Variants in PRRC2C observed in about 807,000 individuals in gnomAD.
The protein encoded by PRRC2C is protein PRRC2C.
In PRRC2C, 72 loss-of-function variants were observed where a neutral mutation model predicts 317.2. That is an observed-to-expected ratio of 0.23 (90% CI 0.19 to 0.28). PRRC2C has a LOEUF of 0.28. Ranked by LOEUF, PRRC2C falls within the 10% of genes least tolerant of loss-of-function variation. PRRC2C has a pLI of 1.00. For missense variants in PRRC2C, 3,074 were observed against 3,459.7 expected (o/e 0.89, Z 2.80); for synonymous variants, 1,296 against 1,205.9 (o/e 1.07, Z -1.55).
At chr1:171,520,787 A>C (rs1673395132) in intron 6 of PRRC2C, among the ~76,000 whole-genome samples, 1 of 138,392 alleles carries the variant, frequency 7.2e-6, no homozygotes, top group Non-Finnish European at 1.5e-5. Context: ...CTTAAGAGAA[A>C]TTTCTTCTCC....
intron 2 of PRRC2C, 175 bp from the exon 3 acceptor site, chr1:171,512,820 C>G: frequency 1.8e-6 from 1 of 550,082 alleles, no homozygotes; most frequent in Non-Finnish European, 2.9e-6. Context: ...GGCTTGATTT[C>G]TACACTGAAA....
chr1:171,490,427 C>G (rs1346104306), intron 1 of PRRC2C, among the ~76,000 whole-genome samples: 2 of 152,004 alleles, frequency 1.3e-5, no homozygotes, highest in Non-Finnish European at 2.9e-5. Flanking sequence ...GGTCGAAAGC[C>G]TAGAATGGAA....
chr1:171,556,972 G>T (rs958598595), intron 18 of PRRC2C, among the ~76,000 whole-genome samples: 2 of 152,158 alleles, frequency 1.3e-5, no homozygotes, highest in African/African-American at 4.8e-5. Context: ...TGCTGCCAGT[G>T]AATTTACTGC....
In PRRC2C at chr1:171,514,545, A is replaced by G; in HGVS notation, c.300A>G (p.Glu100=). The part of the protein sequence containing the change: ...QEQHEEEKTP[E]VPPAQPKPGV... Reference sequence around the variant, plus strand: ...CATATTTTTTTTTAAGAACACCAGAAGTGCCACCAGCACAGCCAAAACCTG... The same window carrying G: ...CATATTTTTTTTTAAGAACACCAGAGGTGCCACCAGCACAGCCAAAACCTG... The change falls in exon 4 of 35, where the codon GAA becomes GAG. Residue 100 remains glutamate (E), a synonymous_variant. Transcript: ENST00000647382. 1 of 1,555,640 alleles carries G rather than the reference A, an allele frequency of 6.4e-7. No homozygotes were observed. Among genetic ancestry groups the G allele is most frequent in the Non-Finnish European group, 8.7e-7 (1 of 1,149,440 alleles).
intron 1 of PRRC2C, among the ~76,000 whole-genome samples, chr1:171,494,314 T>G (rs932786512): frequency 1.3e-5 from 2 of 152,202 alleles, no homozygotes; most frequent in African/African-American, 4.8e-5. Flanking sequence ...GCCCTTCCAC[T>G]ATCCTGATTA....
chr1:171,544,681 A>G (rs1678709663), intron 16 of PRRC2C, among the ~76,000 whole-genome samples: 1 of 152,220 alleles, frequency 6.6e-6, no homozygotes, highest in Admixed American at 6.5e-5. Context: ...TTTTTGTGCC[A>G]CATAGATAGA....
chr1:171,532,976 T>C lies in PRRC2C; in HGVS notation c.1873+15T>C. The C allele has an allele frequency of 6.6e-7, 1 of 1,517,304 alleles. No homozygotes were observed. The highest frequency in any genetic ancestry group is 8.8e-7 in the Non-Finnish European group (1 of 1,142,164). 94.0% of individuals were successfully genotyped at this position (1,517,304 alleles called of 1,614,324 possible). On this transcript the variant is annotated intron_variant, in intron 12 of 34. Coordinates refer to ENST00000647382, the MANE Select transcript of PRRC2C (RefSeq NM_001387844.1). ...CTGTAATAAAGGTTTGATAGTATTC[T>C]TCATTCTCTTTTAAAAACTTTACAA...
rs369491732 is a variant in PRRC2C, at chr1:171,557,266, A to G, written c.5154A>G (p.Glu1718=). The part of the protein sequence containing the change: ...IQVWNKKNAN[E]KGRSQTSKLP... Reference sequence around the variant, plus strand: ...TCTGGAACAAAAAGAATGCAAATGAAAAAGGAAGAAGCCAGACTTCTAAGC... The same window carrying G: ...TCTGGAACAAAAAGAATGCAAATGAGAAAGGAAGAAGCCAGACTTCTAAGC... Residue 1718 remains glutamate, a synonymous_variant, in exon 19 of 35, where the codon GAA becomes GAG. Coordinates refer to ENST00000647382, the MANE Select transcript of PRRC2C (RefSeq NM_001387844.1). 36 of 1,547,300 alleles carry G rather than the reference A, an allele frequency of 2.3e-5. No homozygotes were observed. The African/African-American group carries it at 3.2e-4, about 14-fold the overall frequency.
Position 171,589,437 on chromosome 1 carries a change from T to G in PRRC2C, c.8268T>G (p.Pro2756=). The G allele has an allele frequency of 7.8e-7, 1 of 1,289,542 alleles. No homozygotes were observed. Among genetic ancestry groups the G allele is most frequent in the Admixed American group, 2.3e-5 (1 of 43,530 alleles). The allele number at this position is 1,289,542 out of a possible 1,614,324, so 79.9% of individuals were successfully genotyped here. The part of the protein sequence containing the change: ...RAPHTNTFPA[P]VQRPPMALAS... ...CACATACTAACACCTTCCCAGCGCC[T>G]GTTCAGAGGCCACCAATGGCACTGG... The change falls in exon 34 of 35, where the codon CCT becomes CCG. Residue 2756 remains proline (P), a synonymous_variant. Transcript: ENST00000647382.
chr1:171,523,511 A>G lies in PRRC2C; in HGVS notation c.1044A>G (p.Lys348=). Reference sequence around the variant, plus strand: ...ATGAACAAGGAAGTAACAGTCCTAAAGAGAATAACAGGTAAGTTGTGATAT... The same window carrying G: ...ATGAACAAGGAAGTAACAGTCCTAAGGAGAATAACAGGTAAGTTGTGATAT... The part of the protein sequence containing the change: ...DDDEQGSNSP[K]ENNSEDQGSK... Residue 348 remains lysine (K), a synonymous_variant, in exon 9 of 35, where the codon AAA becomes AAG. Coordinates refer to ENST00000647382, the MANE Select transcript of PRRC2C (RefSeq NM_001387844.1). 1.2e-6 allele frequency: 2 copies of G among 1,608,438 alleles called. No individual in the cohort carries two copies. The highest frequency in any genetic ancestry group is 1.7e-6 in the Non-Finnish European group (2 of 1,176,838).
At chr1:171,566,206 G>A (rs1683628610) in intron 20 of PRRC2C, 27 bp from the exon 21 acceptor site, 1 of 1,574,624 alleles carries the variant, frequency 6.4e-7, no homozygotes, top group East Asian at 2.3e-5. Flanking sequence ...TACTTTGCAA[G>A]CAAGTTTTAA....
intron 1 of PRRC2C, among the ~76,000 whole-genome samples, chr1:171,499,056 C>T (rs544074792): frequency 6.6e-6 from 1 of 152,346 alleles, no homozygotes; most frequent in South Asian, 2.1e-4. Context: ...GCATTCCTCC[C>T]TCCTTGGCTT....
At chr1:171,507,842 T>C (rs1252853411) in intron 1 of PRRC2C, among the ~76,000 whole-genome samples, 2 of 152,208 alleles carry the variant, frequency 1.3e-5, no homozygotes, top group African/African-American at 2.4e-5. Context: ...TTTTATAGTT[T>C]TCAGTGTATG....
chr1:171,537,931 T>C (rs754066856), intron 15 of PRRC2C, among the ~76,000 whole-genome samples: 15 of 152,002 alleles, frequency 9.9e-5, no homozygotes, highest in Admixed American at 2.6e-4. Context: ...GACAGAGTCT[T>C]GCTCTGTCTC....
chr1:171,530,939 G>T (rs966082456), intron 11 of PRRC2C, among the ~76,000 whole-genome samples: 28 of 152,188 alleles, frequency 1.8e-4, no homozygotes, highest in African/African-American at 6.5e-4. Flanking sequence ...AAAGACTTAC[G>T]CATGAATGTT....
chr1:171,531,991 A>C (rs1675973064), intron 11 of PRRC2C, among the ~76,000 whole-genome samples: 2 of 152,212 alleles, frequency 1.3e-5, no homozygotes. Context: ...CAACTCTGGC[A>C]GCTGCTTCTA....
intron 20 of PRRC2C, among the ~76,000 whole-genome samples, chr1:171,565,176 T>G (rs775080998): frequency 6.6e-6 from 1 of 152,154 alleles, no homozygotes; most frequent in Non-Finnish European, 1.5e-5. Flanking sequence ...CTCACTGACC[T>G]TTTTTTGTTC....
At chr1:171,565,926 G>A (rs1453253679) in intron 20 of PRRC2C, among the ~76,000 whole-genome samples, 1 of 152,120 alleles carries the variant, frequency 6.6e-6, no homozygotes, top group Non-Finnish European at 1.5e-5. Flanking sequence ...TGGTGTCTTT[G>A]TGTGTTGCTT....
At position 171,566,151 on chromosome 1, in the gene PRRC2C, T is replaced by C. The variant is rs900137126; in HGVS notation, c.6118-82T>C. On this transcript the variant is annotated intron_variant, in intron 20 of 34. Transcript: ENST00000647382. ...GTAGATTGTCTTAAACCTTCTATTG[T>C]ACTTAAACTGTATAGTGCTTCATAA... The C allele has an allele frequency of 2.7e-6, 3 of 1,112,866 alleles. No homozygotes were observed. The Admixed American group carries it at 7.9e-5, about 29-fold the overall frequency. The allele number at this position is 1,112,866 out of a possible 1,614,324, so 68.9% of individuals were successfully genotyped here.
Sources: gnomAD v4.1 joint callset for allele counts (sites outside exome capture counted in the v4.1 genomes callset) on GRCh38, gnomAD v4.1.1 for gene constraint, MANE v1.5 for transcripts, NCBI Gene and HGNC (gene_info 2026-07-23, HGNC 2026-07-21) for gene names.